The following PRSS12 variants were observed in gnomAD, a reference collection of about 807,000 sequenced individuals.
PRSS12 encodes neurotrypsin.
In PRSS12, 85 loss-of-function variants were observed where a neutral mutation model predicts 104.4. The observed-to-expected ratio is 0.81, with a 90% confidence interval of 0.68 to 0.98. The LOEUF is 0.98. Ranked by LOEUF, PRSS12 falls within the 50% of genes least tolerant of loss-of-function variation. The pLI is 0.00. For synonymous variants in PRSS12, 454 were observed against 425.2 expected (o/e 1.07, Z -0.83); for missense variants, 1,141 against 1,139.2 (o/e 1.00, Z -0.02).
chr4:118,320,625 C>CT (rs1368669587), intron 4 of PRSS12, among the ~76,000 whole-genome samples: 1 of 152,006 alleles, frequency 6.6e-6, no homozygotes, highest in Non-Finnish European at 1.5e-5. Context: ...TGGTGGCACA[C>CT]ACCTGTGGTC....
chr4:118,315,746 A>C (rs1743888473), intron 6 of PRSS12, among the ~76,000 whole-genome samples: 1 of 152,238 alleles, frequency 6.6e-6, no homozygotes, highest in Non-Finnish European at 1.5e-5. Flanking sequence ...GTTTTTCTCA[A>C]ATAAAAGTGA....
chr4:118,298,984 A>G (rs1743324689), intron 8 of PRSS12, 46 bp from the exon 9 acceptor site: 3 of 1,585,414 alleles, frequency 1.9e-6, no homozygotes, highest in Middle Eastern at 1.7e-4. Context: ...AGTCAGTCAT[A>G]TATCTGAATA....
intron 4 of PRSS12, among the ~76,000 whole-genome samples, chr4:118,322,154 T>C (rs1723643671): frequency 6.7e-6 from 1 of 149,206 alleles, no homozygotes; most frequent in East Asian, 1.9e-4. Flanking sequence ...ATCAAAATGA[T>C]CTTGCAATAG....
intron 8 of PRSS12, among the ~76,000 whole-genome samples, chr4:118,300,172 G>T (rs1007951513): frequency 6.6e-6 from 1 of 151,770 alleles, no homozygotes; most frequent in Admixed American, 6.6e-5. Context: ...CACCATGCCT[G>T]GCTAATTTGT....
intron 1 of PRSS12, among the ~76,000 whole-genome samples, chr4:118,341,371 G>C (rs1489017138): frequency 6.6e-6 from 1 of 152,110 alleles, no homozygotes; most frequent in East Asian, 1.9e-4. Flanking sequence ...AAAAGCTGAG[G>C]TGGTCCAGAT....
Position 118,352,607 on chromosome 4 carries a change from AG to A in PRSS12, c.113del (p.Pro38LeufsTer65), listed in dbSNP as rs1259796134. ...SLHHSHRHSP[P>X]AGPHYPYYLP... is the part of the protein sequence containing the mutation. ...GGTAATAGGGGTAGTGCGGACCCGC[AG>A]GGGGCGAATGGCGGTGGCTGTGGTG... On this transcript the variant is annotated frameshift_variant, in exon 1 of 13. Transcript: ENST00000296498. LOFTEE classifies it high-confidence loss of function. The A allele has an allele frequency of 6.2e-7, 1 of 1,610,436 alleles. No homozygotes were observed. Among genetic ancestry groups the A allele is most frequent in the African/African-American group, 1.3e-5 (1 of 74,844 alleles).
intron 4 of PRSS12, among the ~76,000 whole-genome samples, chr4:118,326,708 A>G (rs1723780149): frequency 6.6e-6 from 1 of 152,200 alleles, no homozygotes; most frequent in African/African-American, 2.4e-5. Context: ...ATGTAACATA[A>G]CAGAAAAAAT....
chr4:118,295,747 T>C (rs749392769), intron 10 of PRSS12, 31 bp downstream of exon 10: 4 of 1,567,002 alleles, frequency 2.6e-6, no homozygotes, highest in Non-Finnish European at 3.5e-6. Context: ...AATTCTGTAA[T>C]ATAAAAAATC....
intron 11 of PRSS12, among the ~76,000 whole-genome samples, chr4:118,284,564 G>A (rs750827727): frequency 3.0e-4 from 46 of 152,136 alleles, no homozygotes; most frequent in Middle Eastern, 3.2e-3. Context: ...ACACACCTCT[G>A]AAATCTTGAT....
chr4:118,308,382 A>T, intron 8 of PRSS12, 54 bp downstream of exon 8: 2 of 1,608,752 alleles, frequency 1.2e-6, no homozygotes, highest in Non-Finnish European at 1.7e-6. Flanking sequence ...TTAAGCATTT[A>T]AAAATTCAGA....
At chr4:118,343,601 T>C (rs1724271773) in intron 1 of PRSS12, among the ~76,000 whole-genome samples, 2 of 152,016 alleles carry the variant, frequency 1.3e-5, no homozygotes, top group Admixed American at 1.3e-4. Flanking sequence ...TACAAAAAAT[T>C]TTAAAATTAG....
At chr4:118,284,793 A>G (rs1206171314) in intron 11 of PRSS12, among the ~76,000 whole-genome samples, 1 of 152,144 alleles carries the variant, frequency 6.6e-6, no homozygotes, top group East Asian at 1.9e-4. Flanking sequence ...TGGTTTCATC[A>G]GCTCTACCTA....
At chr4:118,321,513 A>G (rs1215901887) in intron 4 of PRSS12, among the ~76,000 whole-genome samples, 1 of 152,204 alleles carries the variant, frequency 6.6e-6, no homozygotes, top group Non-Finnish European at 1.5e-5. Flanking sequence ...CTTAGGATGC[A>G]AAGCTGAACA....
chr4:118,352,331 C>T lies in PRSS12; in HGVS notation c.390G>A (p.Leu130=), dbSNP rs761865573. The change falls in exon 1 of 13, where the codon CTG becomes CTA. Residue 130 remains leucine (L), a synonymous_variant. Transcript: ENST00000296498. ...GACAAAAGTTGTGGCGCTGTCCTCG[C>T]AGCTGAGCCCAGCTCGCTGGGGGCG... ...ERSPPASWAQ[L]RGQRHNFCRS... is the part of the protein sequence containing the mutation. 1 of 1,584,704 alleles carries T rather than the reference C, an allele frequency of 6.3e-7. No homozygotes were observed. Among genetic ancestry groups the T allele is most frequent in the South Asian group, 1.1e-5 (1 of 87,276 alleles).
intron 11 of PRSS12, among the ~76,000 whole-genome samples, chr4:118,283,430 T>G (rs1742940805): frequency 6.6e-6 from 1 of 152,222 alleles, no homozygotes; most frequent in African/African-American, 2.4e-5. Context: ...GTCAAAATTA[T>G]TGTCCTGTGT....
chr4:118,303,314 T>C (rs952514132), intron 8 of PRSS12: 2 of 151,908 alleles, frequency 1.3e-5, no homozygotes, highest in Non-Finnish European at 2.9e-5. Flanking sequence ...CAGGTAGAAG[T>C]AGACATACAG....
intron 1 of PRSS12, among the ~76,000 whole-genome samples, chr4:118,342,295 T>C (rs1012960602): frequency 6.6e-6 from 1 of 152,210 alleles, no homozygotes; most frequent in Non-Finnish European, 1.5e-5. Context: ...GTAGACGAAA[T>C]TCTTTGTTTG....
rs886059035 is a variant in PRSS12, at chr4:118,308,555, A to G, written c.1512T>C (p.Asp504=). 2.5e-6 allele frequency: 4 copies of G among 1,613,960 alleles called. No individual in the cohort carries two copies. Among genetic ancestry groups the G allele is most frequent in the Non-Finnish European group, 2.5e-6 (3 of 1,179,912 alleles). Residue 504 remains aspartate (D), a synonymous_variant, in exon 8 of 13, where the codon GAT becomes GAC. Transcript: ENST00000296498. ...LSLGFPVRLM[D]GENKKEGRVE... ...CTCGTCCTTCTTTCTTATTTTCTCC[A>G]TCCATCAGTCTGACAGGAAAACCTA... is the stretch of plus-strand genomic sequence containing the variant.
chr4:118,352,096 G>T, intron 1 of PRSS12, 123 bp downstream of exon 1: 1 of 1,399,454 alleles, frequency 7.1e-7, no homozygotes, highest in Non-Finnish European at 9.6e-7. Flanking sequence ...ATCACAGCCC[G>T]CAAACGCAAG....
Sources: gnomAD v4.1 joint callset for allele counts (sites outside exome capture counted in the v4.1 genomes callset) on GRCh38, gnomAD v4.1.1 for gene constraint, MANE v1.5 for transcripts, NCBI Gene and HGNC (gene_info 2026-07-23, HGNC 2026-07-21) for gene names.